Variants in COBL observed in about 807,000 individuals in gnomAD.
COBL encodes the protein protein cordon-bleu.
Under a neutral mutation model 98.8 loss-of-function variants are expected in COBL, and 51 were observed. The observed-to-expected ratio is 0.52, with a 90% CI of 0.41 to 0.65. COBL has a LOEUF of 0.65. COBL is among the 30% of genes least tolerant of loss of function. The pLI, the probability that COBL is intolerant of heterozygous loss-of-function variation, is 0.00. For missense variants in COBL, 1,617 were observed against 1,617.5 expected (o/e 1.00, Z 0.01); for synonymous variants, 634 against 651.7 (o/e 0.97, Z 0.41).
chr7:51,159,611 A>T (rs958837332), intron 5 of COBL, among the ~76,000 whole-genome samples: 1 of 152,190 alleles, frequency 6.6e-6, no homozygotes, highest in African/African-American at 2.4e-5. Flanking sequence ...GAACATACGG[A>T]AAACCAGTAT....
At chr7:51,038,595 G>T (rs1788862097) in intron 8 of COBL, among the ~76,000 whole-genome samples, 1 of 152,202 alleles carries the variant, frequency 6.6e-6, no homozygotes, top group Non-Finnish European at 1.5e-5. Context: ...GGTGATGAAG[G>T]GTCTTAAGGC....
intron 2 of COBL, among the ~76,000 whole-genome samples, chr7:51,214,968 C>G (rs1015822549): frequency 6.6e-6 from 1 of 152,132 alleles, no homozygotes; most frequent in Non-Finnish European, 1.5e-5. Context: ...ATATTGAATG[C>G]CCTGCTTCTC....
intron 1 of COBL, among the ~76,000 whole-genome samples, chr7:51,278,607 T>G (rs549126377): frequency 6.6e-6 from 1 of 152,080 alleles, no homozygotes; most frequent in South Asian, 2.1e-4. Context: ...CTCGAACTCC[T>G]GACCTCAGGT....
At chr7:51,081,565 C>G (rs1455593696) in intron 7 of COBL, among the ~76,000 whole-genome samples, 1 of 152,178 alleles carries the variant, frequency 6.6e-6, no homozygotes, top group Non-Finnish European at 1.5e-5. Context: ...GTTGCCCCAG[C>G]AGATGCTGCA....
chr7:51,048,366 T>C (rs555967818), intron 7 of COBL, among the ~76,000 whole-genome samples: 22 of 152,328 alleles, frequency 1.4e-4, no homozygotes, highest in Non-Finnish European at 1.6e-4. Context: ...ATTTTTTAAA[T>C]TGTATTACTG....
intron 1 of COBL, among the ~76,000 whole-genome samples, chr7:51,255,201 G>T (rs76303408): frequency 0.02 from 2,976 of 152,284 alleles, 102 homozygotes; most frequent in African/African-American, 0.068. Context: ...ATTAAGAGAA[G>T]AATAATCCTA....
intron 1 of COBL, among the ~76,000 whole-genome samples, chr7:51,254,779 G>C (rs1262556724): frequency 1.3e-5 from 2 of 152,050 alleles, no homozygotes; most frequent in Admixed American, 6.6e-5. Context: ...CTCATGAAGG[G>C]GACTGCATAA....
chr7:51,231,899 T>C (rs1016027017), intron 1 of COBL, among the ~76,000 whole-genome samples: 2 of 151,916 alleles, frequency 1.3e-5, no homozygotes, highest in Admixed American at 6.6e-5. Context: ...CACCCAGCCA[T>C]GGAAGCAGCA....
intron 5 of COBL, among the ~76,000 whole-genome samples, chr7:51,178,972 T>G (rs1243334177): frequency 6.6e-6 from 1 of 152,210 alleles, no homozygotes; most frequent in Admixed American, 6.5e-5. Context: ...AAAATCACTT[T>G]GACTAAATGA....
At chr7:51,124,728 T>A (rs1409801293) in intron 6 of COBL, among the ~76,000 whole-genome samples, 2 of 152,230 alleles carry the variant, frequency 1.3e-5, no homozygotes, top group African/African-American at 2.4e-5. Context: ...ACCCTTCAGT[T>A]CCTCATGGAA....
At chr7:51,270,468 G>A (rs889377093) in intron 1 of COBL, among the ~76,000 whole-genome samples, 13 of 152,188 alleles carry the variant, frequency 8.5e-5, no homozygotes, top group African/African-American at 3.1e-4. Context: ...GAGGGTAAGG[G>A]AACATAGGGT....
At chr7:51,229,345 T>C (rs939569546) in intron 1 of COBL, among the ~76,000 whole-genome samples, 7 of 152,248 alleles carry the variant, frequency 4.6e-5, no homozygotes, top group East Asian at 1.9e-4. Context: ...AGTGAGTGAA[T>C]TGTCTTGGTT....
chr7:51,137,467 T>A (rs753766454), intron 5 of COBL, among the ~76,000 whole-genome samples: 2 of 152,108 alleles, frequency 1.3e-5, no homozygotes, highest in Non-Finnish European at 2.9e-5. Flanking sequence ...GGTGTGGTCA[T>A]GCTCACCTTT....
At chr7:51,183,453 C>T (rs1465096273) in intron 5 of COBL, among the ~76,000 whole-genome samples, 1 of 151,874 alleles carries the variant, frequency 6.6e-6, no homozygotes, top group Non-Finnish European at 1.5e-5. Flanking sequence ...GTTTGATAAT[C>T]TTATAATTAA....
intron 9 of COBL, 91 bp downstream of exon 9, chr7:51,030,721 T>A (rs1422582519): frequency 4.8e-6 from 4 of 839,608 alleles, no homozygotes; most frequent in Non-Finnish European, 5.9e-6. Flanking sequence ...TTTCCTCACA[T>A]AGATACATCA....
chr7:51,025,068 C>T (rs982263015), intron 12 of COBL, 41 bp downstream of exon 12: 2 of 1,611,426 alleles, frequency 1.2e-6, no homozygotes, highest in African/African-American at 1.3e-5. Context: ...CACCTCCAAC[C>T]CTCTGGCCCC....
intron 1 of COBL, among the ~76,000 whole-genome samples, chr7:51,291,202 C>T (rs1430310604): frequency 3.9e-5 from 6 of 152,138 alleles, no homozygotes; most frequent in Non-Finnish European, 7.4e-5. Flanking sequence ...GGCTGAGGCA[C>T]ACAGACACAC....
intron 6 of COBL, among the ~76,000 whole-genome samples, chr7:51,120,506 T>C (rs907231421): frequency 3.3e-5 from 5 of 152,288 alleles, no homozygotes; most frequent in Admixed American, 3.3e-4. Context: ...ACTATAAAAT[T>C]TACCATCTTA....
At position 51,316,726 on chromosome 7, in the gene COBL, C is replaced by G; in HGVS notation, c.-93G>C. The G allele has an allele frequency of 1.0e-6, 1 of 1,001,554 alleles. No individual in the cohort carries two copies. The highest frequency in any genetic ancestry group is 1.3e-6 in the Non-Finnish European group (1 of 788,634). The allele number at this position is 1,001,554 out of a possible 1,614,324, so 62.0% of individuals were successfully genotyped here. The stretch of plus-strand genomic sequence containing the variant: ...CCGCTGCCGCCCTCATTCACTTTTT[C>G]CGCGCTGACCCATCGTCCTCCCACG... On this transcript the variant is annotated 5_prime_UTR_variant, in exon 1 of 13. Coordinates refer to ENST00000265136, the MANE Select transcript of COBL (RefSeq NM_015198.5).
Sources: gnomAD v4.1 joint callset for allele counts (sites outside exome capture counted in the v4.1 genomes callset) on GRCh38, gnomAD v4.1.1 for gene constraint, MANE v1.5 for transcripts, NCBI Gene and HGNC (gene_info 2026-07-23, HGNC 2026-07-21) for gene names.